Variants in SLC12A8 observed in about 807,000 individuals in gnomAD.
SLC12A8 encodes cation-chloride cotransporter 9.
In SLC12A8, 69 loss-of-function variants were observed where a neutral mutation model predicts 75.6. The observed-to-expected ratio is 0.91, with a 90% CI of 0.75 to 1.11. SLC12A8 has a LOEUF of 1.11. Ranked by LOEUF, SLC12A8 falls within the 50% of genes most tolerant of loss-of-function variation. The probability of loss-of-function intolerance (pLI) is 0.00; values close to 1 mark genes in which losing one functional copy is unlikely to be tolerated. For missense variants in SLC12A8, 877 were observed against 896.7 expected (o/e 0.98, Z 0.28); for synonymous variants, 365 against 372.8 (o/e 0.98, Z 0.24).
intron 5 of SLC12A8, among the ~76,000 whole-genome samples, chr3:125,164,243 G>A (rs749370685): frequency 2.0e-5 from 3 of 152,198 alleles, no homozygotes; most frequent in Non-Finnish European, 4.4e-5. Flanking sequence ...AGGGAATCAC[G>A]CTTTGGAGTC....
chr3:125,190,121 G>A (rs767275788), intron 3 of SLC12A8, among the ~76,000 whole-genome samples: 3 of 152,194 alleles, frequency 2.0e-5, no homozygotes, highest in Non-Finnish European at 2.9e-5. Context: ...GGCTCATGAT[G>A]AGCCCTGACT....
chr3:125,140,228 C>G (rs1159727362), intron 5 of SLC12A8, among the ~76,000 whole-genome samples: 1 of 152,248 alleles, frequency 6.6e-6, no homozygotes, highest in Non-Finnish European at 1.5e-5. Context: ...AGTGACTGAA[C>G]CCTTCCTACG....
chr3:125,201,008 C>G (rs1935109259), intron 2 of SLC12A8, among the ~76,000 whole-genome samples: 1 of 152,146 alleles, frequency 6.6e-6, no homozygotes, highest in African/African-American at 2.4e-5. Context: ...AAAGAACATG[C>G]TAGAATTTTT....
chr3:125,104,649 A>G (rs780079644), intron 10 of SLC12A8, among the ~76,000 whole-genome samples: 3 of 152,168 alleles, frequency 2.0e-5, no homozygotes, highest in Non-Finnish European at 4.4e-5. Flanking sequence ...AAAACACATA[A>G]TTTTATGTAA....
chr3:125,211,398 G>T lies in SLC12A8; in HGVS notation c.-45-4C>A, dbSNP rs770911216. The T allele has an allele frequency of 3.4e-5, 50 of 1,482,558 alleles. No individual in the cohort carries two copies. Among genetic ancestry groups the T allele is most frequent in the Non-Finnish European group, 4.7e-5 (50 of 1,060,736 alleles). The allele number at this position is 1,482,558 out of a possible 1,614,324, so 91.8% of individuals were successfully genotyped here. A position where few individuals can be genotyped will look rare whatever the true frequency, so the allele number is the denominator to read the frequency against. On this transcript the variant is annotated splice_region_variant and splice_polypyrimidine_tract_variant and intron_variant, in intron 1 of 13. Transcript: ENST00000469902. ...TGATCTGGACAGGGAGACTGCTCTG[G>T]AAGGTAACAGCATCCTTGGTCAGGC...
intron 10 of SLC12A8, among the ~76,000 whole-genome samples, chr3:125,100,696 C>T (rs1252506916): frequency 6.6e-6 from 1 of 151,304 alleles, no homozygotes; most frequent in Non-Finnish European, 1.5e-5. Context: ...GCACGAGCCA[C>T]CATGCCCAGC....
At chr3:125,092,074 A>T in intron 11 of SLC12A8, 27 bp downstream of exon 11, 1 of 1,528,026 alleles carries the variant, frequency 6.5e-7, no homozygotes, top group South Asian at 1.1e-5. Flanking sequence ...TCCCAAGAAC[A>T]ACTGAGATCA....
At chr3:125,148,522 CG>C (rs972084790) in intron 5 of SLC12A8, among the ~76,000 whole-genome samples, 2 of 151,704 alleles carry the variant, frequency 1.3e-5, no homozygotes, top group African/African-American at 4.9e-5. Context: ...GGGGGGCCCA[CG>C]TGGGTCCTTT....
intron 3 of SLC12A8, 75 bp downstream of exon 3, chr3:125,190,300 T>A: frequency 6.5e-7 from 1 of 1,536,968 alleles, no homozygotes; most frequent in Non-Finnish European, 8.9e-7. Context: ...TGGCCTGCAC[T>A]GTAGAATGCA....
intron 5 of SLC12A8, among the ~76,000 whole-genome samples, chr3:125,143,172 G>A (rs653526): frequency 0.91 from 137,967 of 152,264 alleles, 62,710 homozygotes; most frequent in Middle Eastern, 0.96. Context: ...CTAATTGAGA[G>A]TACAGTTTGG....
intron 13 of SLC12A8, among the ~76,000 whole-genome samples, chr3:125,084,316 G>A (rs1455221339): frequency 5.3e-5 from 8 of 151,906 alleles, no homozygotes; most frequent in African/African-American, 1.9e-4. Context: ...CTACCTGATA[G>A]GAAATAACCA....
chr3:125,208,789 CACAGAG>C (rs1313084826), intron 2 of SLC12A8, among the ~76,000 whole-genome samples: 26 of 98,528 alleles, frequency 2.6e-4, no homozygotes, highest in Admixed American at 5.3e-4. Context: ...CACACACACA[CACAGAG>C]AGAGAGAGAG....
intron 5 of SLC12A8, among the ~76,000 whole-genome samples, chr3:125,167,731 T>C (rs1469527504): frequency 6.6e-6 from 1 of 152,218 alleles, no homozygotes; most frequent in Non-Finnish European, 1.5e-5. Flanking sequence ...CCTGAACTAC[T>C]TCATCCAAGA....
intron 4 of SLC12A8, among the ~76,000 whole-genome samples, chr3:125,179,955 T>C (rs1468425022): frequency 6.6e-6 from 1 of 152,164 alleles, no homozygotes; most frequent in Non-Finnish European, 1.5e-5. Flanking sequence ...GGGCACCACT[T>C]TCCCAGGTAC....
intron 4 of SLC12A8, 132 bp downstream of exon 4, chr3:125,187,105 G>A (rs984346871): frequency 3.6e-6 from 3 of 842,626 alleles, no homozygotes; most frequent in Middle Eastern, 3.6e-4. Context: ...TCCCTTCAGA[G>A]CCCCAACCTG....
intron 10 of SLC12A8, among the ~76,000 whole-genome samples, chr3:125,106,016 T>A (rs1028338558): frequency 6.6e-6 from 1 of 152,052 alleles, no homozygotes; most frequent in African/African-American, 2.4e-5. Context: ...TAACAGCAAC[T>A]CAAAAGATGA....
intron 2 of SLC12A8, among the ~76,000 whole-genome samples, chr3:125,208,042 G>A (rs1300796728): frequency 6.6e-6 from 1 of 152,202 alleles, no homozygotes; most frequent in African/African-American, 2.4e-5. Context: ...ACTTGCCCAA[G>A]GGCCCAGCCT....
At chr3:125,180,853 A>G (rs1410973919) in intron 4 of SLC12A8, among the ~76,000 whole-genome samples, 1 of 152,210 alleles carries the variant, frequency 6.6e-6, no homozygotes, top group Admixed American at 6.5e-5. Flanking sequence ...CTTGAAACCA[A>G]AGAGACTTAC....
intron 5 of SLC12A8, among the ~76,000 whole-genome samples, chr3:125,150,795 A>G (rs1343282665): frequency 1.3e-5 from 2 of 152,228 alleles, no homozygotes; most frequent in Non-Finnish European, 2.9e-5. Context: ...CTACCTTTAC[A>G]GGGGAAAATA....
Sources: allele counts gnomAD v4.1 joint callset (sites outside exome capture counted in the v4.1 genomes callset), GRCh38; gene constraint gnomAD v4.1.1; transcripts MANE v1.5; gene names NCBI Gene and HGNC (gene_info 2026-07-23, HGNC 2026-07-21).